The following C2orf80 variants were observed in gnomAD, a reference collection of about 807,000 sequenced individuals.
C2orf80 encodes the protein uncharacterized protein C2orf80.
In C2orf80, 28 loss-of-function variants were observed where a neutral mutation model predicts 30.2. That is an observed-to-expected ratio of 0.93 (90% CI 0.69 to 1.27). C2orf80 has a LOEUF of 1.27. Among genes scored for constraint, C2orf80 ranks in the 50% most tolerant of loss-of-function variants. The probability of loss-of-function intolerance (pLI) is 0.00; values close to 1 mark genes in which losing one functional copy is unlikely to be tolerated. For missense variants in C2orf80, 220 were observed against 231.0 expected (o/e 0.95, Z 0.31); for synonymous variants, 80 against 76.4 (o/e 1.05, Z -0.24).
chr2:208,186,012 A>T (rs1696708365), intron 2 of C2orf80, among the ~76,000 whole-genome samples: 1 of 152,182 alleles, frequency 6.6e-6, no homozygotes, highest in Non-Finnish European at 1.5e-5. Context: ...TTACCATATC[A>T]TCTAGAAAGG....
chr2:208,166,841 G>A (rs1263564545), intron 8 of C2orf80, among the ~76,000 whole-genome samples: 1 of 150,982 alleles, frequency 6.6e-6, no homozygotes, highest in Non-Finnish European at 1.5e-5. Context: ...TAGTAGAGAT[G>A]GGGTTTCACC....
intron 2 of C2orf80, among the ~76,000 whole-genome samples, chr2:208,186,319 T>C (rs1696717216): frequency 6.6e-6 from 1 of 152,244 alleles, no homozygotes; most frequent in South Asian, 2.1e-4. Context: ...GAAAAGGCTA[T>C]TACTGTTTTG....
intron 6 of C2orf80, among the ~76,000 whole-genome samples, chr2:208,177,332 A>G (rs1029312399): frequency 6.6e-6 from 1 of 151,886 alleles, no homozygotes; most frequent in Admixed American, 6.6e-5. Flanking sequence ...ACCTGAGATC[A>G]GGAGTTCGAG....
chr2:208,178,399 A>G (rs555086467), intron 6 of C2orf80, among the ~76,000 whole-genome samples: 14 of 152,074 alleles, frequency 9.2e-5, no homozygotes, highest in Admixed American at 2.6e-4. Context: ...ATATGTGCTG[A>G]GGGGTAGGGG....
intron 6 of C2orf80, 24 bp from the exon 7 acceptor site, chr2:208,172,099 T>G: frequency 6.4e-7 from 1 of 1,563,946 alleles, no homozygotes; most frequent in Non-Finnish European, 8.8e-7. Flanking sequence ...AGTCCTACTT[T>G]TAAAATCTGT....
intron 3 of C2orf80, among the ~76,000 whole-genome samples, chr2:208,183,954 T>C (rs1313388080): frequency 3.3e-5 from 5 of 152,152 alleles, no homozygotes; most frequent in Non-Finnish European, 7.4e-5. Context: ...AAACGGAAGA[T>C]TGGTTTTGTT....
At chr2:208,179,244 A>G (rs1193153266) in intron 6 of C2orf80, among the ~76,000 whole-genome samples, 3 of 152,224 alleles carry the variant, frequency 2.0e-5, no homozygotes, top group Admixed American at 2.0e-4. Flanking sequence ...TTTGAGTCTC[A>G]GGACTACAGT....
At position 208,182,950 on chromosome 2, in the gene C2orf80, C is replaced by A. The variant is rs762665445; in HGVS notation, c.206+15G>T. Reference sequence around the variant, plus strand: ...ACAAATTAAAGAGGAAAGCAACAAACCTACTTCAACTTACAGTTCCTCCCA... The same window carrying A: ...ACAAATTAAAGAGGAAAGCAACAAAACTACTTCAACTTACAGTTCCTCCCA... On this transcript the variant is annotated intron_variant, in intron 4 of 8. Coordinates refer to ENST00000341287, the MANE Select transcript of C2orf80 (RefSeq NM_001099334.3). 2 of 1,603,238 alleles carry A rather than the reference C, an allele frequency of 1.2e-6. No individual in the cohort carries two copies. The highest frequency in any genetic ancestry group is 1.7e-4 in the Middle Eastern group (1 of 6,046).
Position 208,169,735 on chromosome 2 carries a change from GA to G in C2orf80, c.573+1209del, listed in dbSNP as rs10706960. Among the ~76,000 whole-genome samples, 847 of 148,806 alleles carry G rather than the reference GA, an allele frequency of 5.7e-3. 6 individuals are homozygous for G. The highest frequency in any genetic ancestry group is 0.02 in the African/African-American group (807 of 40,630). On this transcript the variant is annotated intron_variant, in intron 8 of 8. Coordinates refer to ENST00000341287, the MANE Select transcript of C2orf80 (RefSeq NM_001099334.3). The stretch of plus-strand genomic sequence containing the variant: ...CTCAAAAAAAAAAAAAAAAGGAAAA[GA>G]AAAAAAGAAAAGAAAATCTAATACC...
intron 8 of C2orf80, among the ~76,000 whole-genome samples, chr2:208,167,451 A>G (rs1390677999): frequency 6.6e-6 from 1 of 151,872 alleles, no homozygotes; most frequent in South Asian, 2.1e-4. Flanking sequence ...AAACCCGGGA[A>G]GCAGAGGTTG....
chr2:208,187,067 G>T lies in C2orf80; in HGVS notation c.-75-6C>A. ...AGCTTCTCTGAGTCTAGAGGCTACA[G>T]CAGCAAATCAGAGAGAATATGAGTT... On this transcript the variant is annotated splice_region_variant and splice_polypyrimidine_tract_variant and intron_variant, in intron 1 of 8. Coordinates refer to ENST00000341287, the MANE Select transcript of C2orf80 (RefSeq NM_001099334.3). The T allele has an allele frequency of 1.5e-6, 2 of 1,317,598 alleles. No individual in the cohort carries two copies. The highest frequency in any genetic ancestry group is 2.2e-6 in the Non-Finnish European group (2 of 914,026). 81.6% of individuals were successfully genotyped at this position (1,317,598 alleles called of 1,614,324 possible). A position where few individuals can be genotyped will look rare whatever the true frequency, so the allele number is the denominator to read the frequency against.
chr2:208,180,633 T>G (rs1303069366), intron 6 of C2orf80, 112 bp downstream of exon 6: 1 of 816,842 alleles, frequency 1.2e-6, no homozygotes. Flanking sequence ...TACATTTTGA[T>G]GTAAAACTGT....
intron 6 of C2orf80, among the ~76,000 whole-genome samples, chr2:208,176,933 A>C (rs200948770): frequency 1.4e-5 from 1 of 69,502 alleles, no homozygotes; most frequent in African/African-American, 5.6e-5. Context: ...ATACATATGT[A>C]TACATATCTG....
At chr2:208,176,979 A>ATATGTGTACATATCC in intron 6 of C2orf80, among the ~76,000 whole-genome samples, 1 of 98,336 alleles carries the variant, frequency 1.0e-5, no homozygotes, top group Admixed American at 9.7e-5. Context: ...ACATATATAC[A>ATATGTGTACATATCC]GAAATGTATA....
chr2:208,188,088 G>GTGTT (rs1167733810), intron 1 of C2orf80, among the ~76,000 whole-genome samples: 1 of 59,754 alleles, frequency 1.7e-5, no homozygotes, highest in Non-Finnish European at 3.1e-5. Context: ...ACTGCACCGT[G>GTGTT]TGTGTGTGTG....
chr2:208,187,373 T>C (rs1696749119), intron 1 of C2orf80, among the ~76,000 whole-genome samples: 1 of 152,180 alleles, frequency 6.6e-6, no homozygotes, highest in African/African-American at 2.4e-5. Context: ...CCATCCAAAC[T>C]AGATGGATGT....
intron 6 of C2orf80, among the ~76,000 whole-genome samples, chr2:208,176,010 T>C (rs1455954841): frequency 6.6e-6 from 1 of 152,192 alleles, no homozygotes; most frequent in Non-Finnish European, 1.5e-5. Flanking sequence ...GTATTGGTAA[T>C]TCAAATTACG....
chr2:208,175,004 G>A (rs1362354391), intron 6 of C2orf80, among the ~76,000 whole-genome samples: 1 of 152,162 alleles, frequency 6.6e-6, no homozygotes, highest in Non-Finnish European at 1.5e-5. Flanking sequence ...GACATGGTCG[G>A]GCGCGGTGGC....
chr2:208,177,125 A>ATATATATATACATATATAT (rs1559340952), intron 6 of C2orf80, among the ~76,000 whole-genome samples: 1 of 143,708 alleles, frequency 7.0e-6, no homozygotes. Context: ...GCTCGATTTT[A>ATATATATATACATATATAT]TATATATACA....
Sources: gnomAD v4.1 joint callset for allele counts (sites outside exome capture counted in the v4.1 genomes callset) on GRCh38, gnomAD v4.1.1 for gene constraint, MANE v1.5 for transcripts, NCBI Gene and HGNC (gene_info 2026-07-23, HGNC 2026-07-21) for gene names.